MTFR1: variants seen among roughly 807,000 people sequenced by gnomAD.
The protein encoded by MTFR1 is chondrocyte protein with a poly-proline region.
MTFR1 carries 28 observed loss-of-function variants against 38.8 expected under a neutral mutation model. The ratio of observed to expected loss-of-function variants is 0.72; its 90% CI spans 0.53 to 0.99. MTFR1 has a LOEUF of 0.99. MTFR1 is among the 50% of genes least tolerant of loss of function. The pLI, the probability that MTFR1 is intolerant of heterozygous loss-of-function variation, is 0.00. For missense variants in MTFR1, 358 were observed against 395.5 expected, an observed-to-expected ratio of 0.91 and a Z score of 0.81; for synonymous variants, 145 against 137.0, an observed-to-expected ratio of 1.06 and a Z score of -0.41.
chr8:65,741,758 T>C (rs1272398680), intron 3 of MTFR1, among the ~76,000 whole-genome samples: 2 of 152,242 alleles, frequency 1.3e-5, no homozygotes, highest in Non-Finnish European at 2.9e-5. Flanking sequence ...TTTTAGAATG[T>C]TTATTCATTC....
At position 65,726,830 on chromosome 8, in the gene MTFR1, C is replaced by T. The variant is rs1006468403; in HGVS notation, c.*48+7349C>T. 3 of 1,016,838 alleles carry T rather than the reference C, an allele frequency of 3.0e-6. No individual in the cohort carries two copies. The African/African-American group carries it at 4.8e-5, about 16-fold the overall frequency. 63.0% of individuals were successfully genotyped at this position (1,016,838 alleles called of 1,614,324 possible). A position where few individuals can be genotyped will look rare whatever the true frequency, so the allele number is the denominator to read the frequency against. ...TTATAAAATTACTTTGCCAACTTAACTTCTATAACCAGTAACAAATTAAAT... is the reference window on the plus strand; with the variant it reads ...TTATAAAATTACTTTGCCAACTTAATTTCTATAACCAGTAACAAATTAAAT... On this transcript the variant is annotated intron_variant, in intron 3 of 3. Transcript: ENST00000521247.
chr8:65,717,244 C>T (rs765694982), intron 2 of MTFR1, among the ~76,000 whole-genome samples: 15 of 152,302 alleles, frequency 9.8e-5, no homozygotes, highest in Middle Eastern at 3.4e-3. Context: ...TAGAAGTTTG[C>T]ACCATATCCC....
intron 4 of MTFR1, among the ~76,000 whole-genome samples, chr8:65,698,736 T>TA (rs954293089): frequency 6.6e-5 from 10 of 151,798 alleles, no homozygotes; most frequent in African/African-American, 2.4e-4. Flanking sequence ...TCCCTTCTTT[T>TA]TTTTTTTTTG....
At chr8:65,648,345 A>C (rs1277451088) in intron 1 of MTFR1, among the ~76,000 whole-genome samples, 2 of 152,072 alleles carry the variant, frequency 1.3e-5, no homozygotes, top group African/African-American at 4.8e-5. Flanking sequence ...CAAGCACTTT[A>C]TATTCATTAG....
intron 3 of MTFR1, among the ~76,000 whole-genome samples, chr8:65,755,615 T>C (rs7822707): frequency 0.42 from 63,194 of 152,134 alleles, 15,149 homozygotes; most frequent in Non-Finnish European, 0.56. Context: ...TATTGTTACA[T>C]GCATTTGCCT....
intron 5 of MTFR1, among the ~76,000 whole-genome samples, chr8:65,705,722 C>T (rs1483825659): frequency 6.6e-6 from 1 of 152,144 alleles, no homozygotes; most frequent in Non-Finnish European, 1.5e-5. Context: ...ATAATAGTAC[C>T]TATGTTACTG....
chr8:65,771,983 C>G (rs1809108923), downstream of MTFR1, among the ~76,000 whole-genome samples: 1 of 150,000 alleles, frequency 6.7e-6, no homozygotes, highest in Non-Finnish European at 1.5e-5. Context: ...CAACCTCAGA[C>G]AGTGGTGATA....
intron 3 of MTFR1, chr8:65,770,882 T>C (rs1352252661): frequency 6.1e-6 from 1 of 164,170 alleles, no homozygotes; most frequent in Non-Finnish European, 1.4e-5. Flanking sequence ...TAGCATTGTT[T>C]CTTGTGTTTA....
At chr8:65,752,839 C>G (rs1185267126) in intron 3 of MTFR1, among the ~76,000 whole-genome samples, 1 of 152,098 alleles carries the variant, frequency 6.6e-6, no homozygotes, top group African/African-American at 2.4e-5. Context: ...TTCTTTTTAA[C>G]TATTTGTTTG....
At chr8:65,734,762 A>AT (rs138599850) in intron 3 of MTFR1, 62,296 of 1,231,528 alleles carry the variant, frequency 0.051, 1,959 homozygotes, top group Non-Finnish European at 0.06. Context: ...TTTTCTTATG[A>AT]TTTTCACCTG....
chr8:65,689,464 G>T, intron 3 of MTFR1: 2 of 514,990 alleles, frequency 3.9e-6, no homozygotes, highest in East Asian at 7.9e-5. Flanking sequence ...TTGAATTTTG[G>T]GTAATTTAGT....
chr8:65,736,321 A>G (rs1807126080), intron 3 of MTFR1, among the ~76,000 whole-genome samples: 2 of 152,218 alleles, frequency 1.3e-5, no homozygotes, highest in African/African-American at 4.8e-5. Flanking sequence ...TGAATTGTTT[A>G]CTTCTGGAAT....
chr8:65,772,882 C>A (rs563543349), downstream of MTFR1, among the ~76,000 whole-genome samples: 319 of 152,190 alleles, frequency 2.1e-3, 1 homozygote, highest in African/African-American at 7.2e-3. Flanking sequence ...GTGGCACACA[C>A]CTGTAATCCC....
At position 65,709,714 on chromosome 8, in the gene MTFR1, A is replaced by G. The variant is rs1435326130; in HGVS notation, c.*670A>G. On this transcript the variant is annotated 3_prime_UTR_variant, in exon 8 of 8. Transcript: ENST00000262146. ...GTTGAGAACCAGGAAAGCTGCTTTC[A>G]CGTCATTGCCATCCAGTACTGACAG... The G allele has an allele frequency of 1.3e-5, 2 of 152,690 alleles. No homozygotes were observed. Among genetic ancestry groups the G allele is most frequent in the African/African-American group, 4.8e-5 (2 of 41,476 alleles). 9.5% of individuals were successfully genotyped at this position (152,690 alleles called of 1,614,324 possible). A position where few individuals can be genotyped will look rare whatever the true frequency, so the allele number is the denominator to read the frequency against.
At chr8:65,711,753 TCTTC>T (rs1371596307), downstream of MTFR1, among the ~76,000 whole-genome samples, 1 of 152,182 alleles carries the variant, frequency 6.6e-6, no homozygotes, top group South Asian at 2.1e-4. Context: ...TTTGCACACT[TCTTC>T]CTTCCAAGAC....
chr8:65,751,197 C>T (rs1199134233), intron 3 of MTFR1, among the ~76,000 whole-genome samples: 3 of 152,194 alleles, frequency 2.0e-5, no homozygotes, highest in Non-Finnish European at 4.4e-5. Flanking sequence ...ATGAAAATCC[C>T]ACGAGACTTT....
Position 65,669,995 on chromosome 8 carries a change from C to G in MTFR1, c.43C>G (p.Gln15Glu). The G allele has an allele frequency of 6.2e-7, 1 of 1,605,356 alleles. No homozygotes were observed. Among genetic ancestry groups the G allele is most frequent in the Non-Finnish European group, 8.5e-7 (1 of 1,178,374 alleles). The change falls in exon 2 of 8, where the codon CAA (glutamine) becomes GAA (glutamate). Residue 15 changes from glutamine to glutamate, a missense_variant. By Grantham distance (29) the Gln-to-Glu change is conservative. Coordinates refer to ENST00000262146, the MANE Select transcript of MTFR1 (RefSeq NM_014637.4). ...IKRLIRMVFQ[Q>E]VGVSMQSVLW... The stretch of plus-strand genomic sequence containing the variant: ...GCGCCTAATTAGGATGGTTTTTCAA[C>G]AAGTTGGAGTAAGCATGCAATCGGT...
intron 1 of MTFR1, among the ~76,000 whole-genome samples, chr8:65,646,506 T>C (rs1281966168): frequency 6.6e-6 from 1 of 152,134 alleles, no homozygotes; most frequent in East Asian, 1.9e-4. Context: ...GTATGTTTGT[T>C]CTTTGAAAAG....
chr8:65,662,281 G>C (rs1427127607), intron 1 of MTFR1, among the ~76,000 whole-genome samples: 1 of 152,018 alleles, frequency 6.6e-6, no homozygotes, highest in Non-Finnish European at 1.5e-5. Context: ...TATTTTTTTG[G>C]TGGAGACGGG....
Sources: allele counts gnomAD v4.1 joint callset (sites outside exome capture counted in the v4.1 genomes callset), GRCh38; gene constraint gnomAD v4.1.1; transcripts MANE v1.5; gene names NCBI Gene and HGNC (gene_info 2026-07-23, HGNC 2026-07-21).